IDH2: variants seen among roughly 807,000 people sequenced by gnomAD.
IDH2 encodes isocitrate dehydrogenase [NADP], mitochondrial.
IDH2 carries 18 observed loss-of-function variants against 50.5 expected under a neutral mutation model. The ratio of observed to expected loss-of-function variants is 0.36; its 90% confidence interval spans 0.25 to 0.53. The LOEUF is 0.53. Among genes scored for constraint, IDH2 ranks in the 20% least tolerant of loss-of-function variants. The pLI is 0.92. For synonymous variants in IDH2, 280 were observed against 239.8 expected (o/e 1.17, Z -1.55); for missense variants, 518 against 610.7 (o/e 0.85, Z 1.60).
intron 4 of IDH2, 27 bp from the exon 5 acceptor site, chr15:90,088,529 G>A (rs765545032): frequency 1.2e-5 from 20 of 1,614,104 alleles, no homozygotes; most frequent in Admixed American, 8.3e-5. Context: ...ATGGCTAGGC[G>A]AGGAGCTCCA....
chr15:90,088,973 G>A (rs1024040459), intron 3 of IDH2, among the ~76,000 whole-genome samples: 9 of 139,912 alleles, frequency 6.4e-5, no homozygotes, highest in African/African-American at 2.1e-4. Context: ...GGAGTGCAAT[G>A]GCGCGATCTC....
chr15:90,102,241 CG>C, intron 1 of IDH2, 34 bp downstream of exon 1: 1 of 937,906 alleles, frequency 1.1e-6, no homozygotes, highest in Non-Finnish European at 1.4e-6. Flanking sequence ...CAGCTGGGGG[CG>C]CGCGCCTGCC....
chr15:90,090,307 A>T (rs949620220), intron 3 of IDH2, among the ~76,000 whole-genome samples, 172 bp downstream of exon 3: 1 of 152,184 alleles, frequency 6.6e-6, no homozygotes, highest in Non-Finnish European at 1.5e-5. Flanking sequence ...AGGCACACAC[A>T]GGGAGACTGG....
chr15:90,087,260 GTGCC>G lies in IDH2; in HGVS notation c.816-1_818del. ...TATTCTTGTCGAAGTCGGTCTTATA[GTGCC>G]TGGGAGTAAAAAGGTCTGTTATGGG... is the stretch of plus-strand genomic sequence containing the variant. On this transcript the variant is annotated splice_acceptor_variant and coding_sequence_variant, in exon 7 of 11. Coordinates refer to ENST00000330062, the MANE Select transcript of IDH2 (RefSeq NM_002168.4). LOFTEE classifies it high-confidence loss of function. 3.7e-6 allele frequency: 6 copies of G among 1,614,162 alleles called. No homozygotes were observed. The highest frequency in any genetic ancestry group is 5.1e-6 in the Non-Finnish European group (6 of 1,180,040).
intron 1 of IDH2, among the ~76,000 whole-genome samples, chr15:90,093,929 A>C (rs1455736714): frequency 2.6e-5 from 4 of 152,058 alleles, no homozygotes; most frequent in East Asian, 1.9e-4. Context: ...CATTATCTCC[A>C]TTTTAAGTGT....
At position 90,093,610 on chromosome 15, in the gene IDH2, AT is replaced by A. The variant is rs1237378620; in HGVS notation, c.116-1967del. On this transcript the variant is annotated intron_variant, in intron 1 of 10. Coordinates refer to ENST00000330062, the MANE Select transcript of IDH2 (RefSeq NM_002168.4). ...TACCTCCATTTTATTTAATTAATTA[AT>A]TTATTTATTTATTTATTTATTTTTT... Among the ~76,000 whole-genome samples, 13 of 125,630 alleles carry A rather than the reference AT, an allele frequency of 1.0e-4. No homozygotes were observed. The South Asian group carries it at 1.7e-3, about 17-fold the overall frequency. 82.4% of individuals were successfully genotyped at this position (125,630 alleles called of 152,430 possible).
chr15:90,089,243 A>G (rs1157545087), intron 3 of IDH2, among the ~76,000 whole-genome samples: 2 of 152,154 alleles, frequency 1.3e-5, no homozygotes, highest in Non-Finnish European at 2.9e-5. Context: ...TGAGGCTTAC[A>G]AAAGTGGCTC....
chr15:90,096,390 A>G (rs992948460), intron 1 of IDH2, among the ~76,000 whole-genome samples: 2 of 152,210 alleles, frequency 1.3e-5, no homozygotes, highest in Non-Finnish European at 2.9e-5. Flanking sequence ...ACATGAAAAG[A>G]TGCTCAACAT....
In IDH2 at chr15:90,084,398, G is replaced by A. The variant is rs765034363; in HGVS notation, c.1272-45C>T. 13 of 1,556,594 alleles carry A rather than the reference G, an allele frequency of 8.4e-6. No homozygotes were observed. Among genetic ancestry groups the A allele is most frequent in the Non-Finnish European group, 1.1e-5 (12 of 1,134,394 alleles). On this transcript the variant is annotated intron_variant, in intron 10 of 10. Transcript: ENST00000330062. This position sits in a 1 kb window ranked among gnomAD's most constrained non-coding sequence, Gnocchi z 5.0. ...CACATCAGGGGTGGCTCCAGGCCTT[G>A]CCAAGGCCATCAGCCAGGCCCTTCC...
rs35007981 is a variant in IDH2, at chr15:90,098,561, T to TGCA, written c.115+3714_115+3715insTGC. 6.6e-5 allele frequency among the ~76,000 whole-genome samples: 10 copies of TGCA among 152,048 alleles called. No individual in the cohort carries two copies. The highest frequency in any genetic ancestry group is 1.3e-4 in the Admixed American group (2 of 15,262). ...ATGTATGTATGTATGTATGTATGTA[T>TGCA]TGAGACAGAGTCTCACTCTGTCGCC... On this transcript the variant is annotated intron_variant, in intron 1 of 10. Coordinates refer to ENST00000330062, the MANE Select transcript of IDH2 (RefSeq NM_002168.4). This position sits in a 1 kb window ranked among gnomAD's most constrained non-coding sequence, Gnocchi z 5.1.
In IDH2 at chr15:90,098,531, C is replaced by CATGCATGTATGTATGCATGT. The variant is rs1555462240; in HGVS notation, c.115+3744_115+3745insACATGCATACATACATGCAT. 1.2e-4 allele frequency among the ~76,000 whole-genome samples: 16 copies of CATGCATGTATGTATGCATGT among 138,354 alleles called. No homozygotes were observed. Among genetic ancestry groups the CATGCATGTATGTATGCATGT allele is most frequent in the Admixed American group, 7.2e-5 (1 of 13,888 alleles). The allele number at this position is 138,354 out of a possible 152,430, so 90.8% of individuals were successfully genotyped here. On this transcript the variant is annotated intron_variant, in intron 1 of 10. Transcript: ENST00000330062. This position sits in a 1 kb window ranked among gnomAD's most constrained non-coding sequence, Gnocchi z 5.1. ...GTATGTATGTATGTATGTATGCATG[C>CATGCATGTATGTATGCATGT]ATGTATGTATGTATGTATGTATGTA...
At position 90,083,925 on chromosome 15, in the gene IDH2, T is replaced by G. The variant is rs2151545951; in HGVS notation, c.*341A>C. ...GGAACCTGCCAGCTCTAGCAGGGCCTCTGCCTCAGGGTCCCACTACCTCCT... is the reference window on the plus strand; with the variant it reads ...GGAACCTGCCAGCTCTAGCAGGGCCGCTGCCTCAGGGTCCCACTACCTCCT... On this transcript the variant is annotated 3_prime_UTR_variant, in exon 11 of 11. Coordinates refer to ENST00000330062, the MANE Select transcript of IDH2 (RefSeq NM_002168.4). The G allele has an allele frequency of 2.3e-6, 1 of 427,054 alleles. No individual in the cohort carries two copies. The highest frequency in any genetic ancestry group is 2.3e-5 in the South Asian group (1 of 43,400). The allele number at this position is 427,054 out of a possible 1,614,324, so 26.5% of individuals were successfully genotyped here.
At chr15:90,092,354 T>C (rs1262879179) in intron 1 of IDH2, among the ~76,000 whole-genome samples, 1 of 150,050 alleles carries the variant, frequency 6.7e-6, no homozygotes, top group African/African-American at 2.4e-5. Flanking sequence ...TCCTTTCCTT[T>C]CTTTCCTTCC....
In IDH2 at chr15:90,084,016, T is replaced by A; in HGVS notation, c.*250A>T. 2 of 563,872 alleles carry A rather than the reference T, an allele frequency of 3.5e-6. No homozygotes were observed. Among genetic ancestry groups the A allele is most frequent in the Non-Finnish European group, 6.4e-6 (2 of 312,784 alleles). The allele number at this position is 563,872 out of a possible 1,614,324, so 34.9% of individuals were successfully genotyped here. On this transcript the variant is annotated 3_prime_UTR_variant, in exon 11 of 11. Transcript: ENST00000330062. This position sits in a 1 kb window ranked among gnomAD's most constrained non-coding sequence, Gnocchi z 5.0. ...TTTTTAGTAGCTAAATATGGCACCA[T>A]GTGTTCCAAGGGCAATATAAATTAC...
chr15:90,099,595 C>T (rs1307805026), intron 1 of IDH2, among the ~76,000 whole-genome samples: 2 of 152,152 alleles, frequency 1.3e-5, no homozygotes, highest in Non-Finnish European at 2.9e-5. Flanking sequence ...GCTAAGACCA[C>T]AGACATGCAC....
intron 2 of IDH2, among the ~76,000 whole-genome samples, chr15:90,091,277 G>A (rs180822454): frequency 6.6e-6 from 1 of 152,354 alleles, no homozygotes; most frequent in East Asian, 1.9e-4. Context: ...AAATGATACA[G>A]GATTAACCTT....
intron 1 of IDH2, among the ~76,000 whole-genome samples, chr15:90,095,570 G>T (rs1901162359): frequency 6.6e-6 from 1 of 152,084 alleles, no homozygotes; most frequent in Non-Finnish European, 1.5e-5. Context: ...GGGCTCCACG[G>T]TTGGGCTTCA....
Position 90,088,669 on chromosome 15 carries a change from G to A in IDH2, c.452C>T (p.Pro151Leu), listed in dbSNP as rs1900941842. 1.2e-6 allele frequency: 2 copies of A among 1,614,122 alleles called. No individual in the cohort carries two copies. The highest frequency in any genetic ancestry group is 1.7e-6 in the Non-Finnish European group (2 of 1,180,026). The change falls in exon 4 of 11, where the codon CCC (proline) becomes CTC (leucine). Residue 151 changes from proline to leucine, a missense_variant. Pro to Leu is a moderately conservative substitution (Grantham distance 98). Around this residue, in one of 5 missense-constraint regions of IDH2, gnomAD observed 207 missense variants for 208.6 expected, o/e 0.99. Transcript: ENST00000330062. ...GCGTGGGATGTTTTTGCAGATGATGGGCTCCCGGAAGACAGTCCCCCCCAG... is the reference window on the plus strand; with the variant it reads ...GCGTGGGATGTTTTTGCAGATGATGAGCTCCCGGAAGACAGTCCCCCCCAG... ...NILGGTVFRE[P>L]IICKNIPRLV...
At chr15:90,101,329 C>G (rs1008474692) in intron 1 of IDH2, among the ~76,000 whole-genome samples, 2 of 152,224 alleles carry the variant, frequency 1.3e-5, no homozygotes, top group Admixed American at 1.3e-4. Context: ...TGGCAACAGG[C>G]ATTAGGCAGG....
Sources: allele counts gnomAD v4.1 joint callset (sites outside exome capture counted in the v4.1 genomes callset), GRCh38; gene constraint gnomAD v4.1.1; regional missense constraint gnomAD v4.1.1; non-coding constraint Gnocchi (gnomAD v3.1); transcripts MANE v1.5; gene names NCBI Gene and HGNC (gene_info 2026-07-23, HGNC 2026-07-21).